Variants in DRP2 observed in about 807,000 individuals in gnomAD.
The protein encoded by DRP2 is dystrophin related protein 2.
In DRP2, 29 loss-of-function variants were observed where a neutral mutation model predicts 78.2. The observed-to-expected ratio is 0.37, with a 90% CI of 0.28 to 0.51. The LOEUF (loss-of-function observed/expected upper bound fraction) is 0.51. Ranked by LOEUF, DRP2 falls within the 20% of genes least tolerant of loss-of-function variation. DRP2 has a pLI of 0.94. For missense variants in DRP2, 686 were observed against 770.6 expected (o/e 0.89, Z 1.30); for synonymous variants, 290 against 281.9 (o/e 1.03, Z -0.29).
In DRP2 at chrX:101,260,178, C is replaced by T. The variant is rs1225579039; in HGVS notation, c.2749+9C>T. 1.7e-6 allele frequency: 2 copies of T among 1,208,185 alleles called. No individual in the cohort carries two copies. Among genetic ancestry groups the T allele is most frequent in the East Asian group, 5.9e-5 (2 of 33,724 alleles). On this transcript the variant is annotated intron_variant, in intron 23 of 23. Coordinates refer to ENST00000395209, the MANE Select transcript of DRP2 (RefSeq NM_001939.3). ...AGATACCGAGGCTGCAGGTGAGTTC[C>T]CCTGGCCTTTCCCAGCCCCTTTCTC...
At chrX:101,238,089 A>G (rs748954842) in intron 5 of DRP2, among the ~76,000 whole-genome samples, 1 of 112,102 alleles carries the variant, frequency 8.9e-6, no homozygotes, top group Non-Finnish European at 1.9e-5. Flanking sequence ...TCAATTGTAT[A>G]AAAATGTATA....
chrX:101,260,506 G>A lies in DRP2; in HGVS notation c.2759G>A (p.Gly920Glu). The A allele has an allele frequency of 8.3e-7, 1 of 1,209,401 alleles. No individual in the cohort carries two copies. The highest frequency in any genetic ancestry group is 1.1e-6 in the Non-Finnish European group (1 of 894,745). ...CTGTTTTTTAACCCAGATGATGTGG[G>A]GTCAAAGAGCCAGGATGTCAGCCTG... ...TPDTEAADDV[G>E]SKSQDVSLCL... The change falls in exon 24 of 24, where the codon GGG (glycine) becomes GAG (glutamate). Residue 920 changes from glycine (G) to glutamate (E), a missense_variant. Gly to Glu is a moderately conservative substitution (Grantham distance 98). Transcript: ENST00000395209.
At chrX:101,230,370 C>G (rs1050480363) in intron 2 of DRP2, among the ~76,000 whole-genome samples, 2 of 110,019 alleles carry the variant, frequency 1.8e-5, no homozygotes, top group African/African-American at 6.6e-5. Context: ...ACTAAAAATA[C>G]GAAAAATTAG....
In DRP2 at chrX:101,236,113, T is replaced by C; in HGVS notation, c.281+90T>C. On this transcript the variant is annotated intron_variant, in intron 4 of 23. Coordinates refer to ENST00000395209, the MANE Select transcript of DRP2 (RefSeq NM_001939.3). ...TGTCCTTCTCCTCTCAGCCTGTGCA[T>C]CCCCCTTTCCTTAGCCCACCCACTT... 3.0e-6 allele frequency: 3 copies of C among 1,009,742 alleles called. No individual in the cohort carries two copies. In the Admixed American group the frequency reaches 7.4e-5, roughly 25 times the overall value. The allele number at this position is 1,009,742 out of a possible 1,213,427, so 83.2% of individuals were successfully genotyped here. A position where few individuals can be genotyped will look rare whatever the true frequency, so the allele number is the denominator to read the frequency against.
intron 1 of DRP2, among the ~76,000 whole-genome samples, chrX:101,222,309 G>T (rs1053051283): frequency 5.4e-5 from 6 of 110,579 alleles, no homozygotes; most frequent in Non-Finnish European, 1.1e-4. Flanking sequence ...GGGAACTGCT[G>T]CTAAAAAAAA....
At position 101,254,880 on chromosome X, in the gene DRP2, G is replaced by T; in HGVS notation, c.2136G>T (p.Trp712Cys). The T allele has an allele frequency of 8.3e-7, 1 of 1,211,765 alleles. No homozygotes were observed. The highest frequency in any genetic ancestry group is 1.8e-5 in the South Asian group (1 of 56,984). Residue 712 changes from tryptophan to cysteine, a missense_variant, in exon 19 of 24, where the codon TGG becomes TGT. Coordinates refer to ENST00000395209, the MANE Select transcript of DRP2 (RefSeq NM_001939.3). The part of the protein sequence containing the change: ...YSETPASSPM[W>C]PHADTHSRIE... ...CTAGGCCGGCTTCTTCCCCGATGTG[G>T]CCACACGCCGACACACACTCCCGAA... is the stretch of plus-strand genomic sequence containing the variant.
At chrX:101,224,191 G>GTTTTTTTTTTTTTTTTTTTT (rs1167730116) in intron 1 of DRP2, among the ~76,000 whole-genome samples, 2 of 38,866 alleles carry the variant, frequency 5.1e-5, no homozygotes, top group African/African-American at 1.3e-4. Flanking sequence ...GGTTTTTTTT[G>GTTTTTTTTTTTTTTTTTTTT]TTTTTTTTTT....
intron 1 of DRP2, among the ~76,000 whole-genome samples, chrX:101,222,331 AAAAAT>A (rs1363730702): frequency 1.8e-5 from 2 of 112,133 alleles, no homozygotes; most frequent in African/African-American, 3.2e-5. Context: ...TAATAAAATA[AAAAAT>A]AAAAAAATAA....
chrX:101,252,684 C>G lies in DRP2; in HGVS notation c.1945C>G (p.Leu649Val), dbSNP rs1923180124. 8.3e-7 allele frequency: 1 copy of G among 1,211,750 alleles called. No individual in the cohort carries two copies. Among genetic ancestry groups the G allele is most frequent in the Non-Finnish European group, 1.1e-6 (1 of 895,328 alleles). Residue 649 changes from leucine to valine, a missense_variant, in exon 17 of 24, where the codon CTG (leucine) becomes GTG (valine). This residue lies in a region of DRP2 where 423 missense variants were observed against 531.5 expected (regional missense o/e 0.80). Transcript: ENST00000395209. Reference sequence around the variant, plus strand: ...AGGCAGGGCCAGCAAAGGCAATAAGCTGCACTACCCCATCATGGAGTATTA... The same window carrying G: ...AGGCAGGGCCAGCAAAGGCAATAAGGTGCACTACCCCATCATGGAGTATTA... ...LTGRASKGNK[L>V]HYPIMEYYTP...
At chrX:101,226,244 GTGATAGACGT>G (rs1922115675) in intron 2 of DRP2, among the ~76,000 whole-genome samples, 1 of 111,867 alleles carries the variant, frequency 8.9e-6, no homozygotes, top group African/African-American at 3.3e-5. Flanking sequence ...TAGTCCCCTA[GTGATAGACGT>G]TTAAGTTTTT....
chrX:101,232,123 G>A, intron 3 of DRP2, among the ~76,000 whole-genome samples: 1 of 110,745 alleles, frequency 9.0e-6, no homozygotes, highest in South Asian at 4.0e-4. Context: ...GCTTCTCTGT[G>A]GCATGCCTTC....
intron 20 of DRP2, 93 bp downstream of exon 20, chrX:101,255,342 G>A: frequency 2.2e-6 from 2 of 909,974 alleles, no homozygotes; most frequent in Admixed American, 2.3e-5. Flanking sequence ...AGGGAATGGG[G>A]GTGTGTGGTG....
intron 11 of DRP2, among the ~76,000 whole-genome samples, chrX:101,245,815 A>T (rs1385196171): frequency 8.9e-6 from 1 of 111,999 alleles, no homozygotes; most frequent in Non-Finnish European, 1.9e-5. Context: ...TACAAGATGG[A>T]TAAGTCCTAG....
rs1379202759 is a variant in DRP2, at chrX:101,224,181, G to GTTTTTTTTT, written c.-166-423_-166-422insTTTTTTTTT. On this transcript the variant is annotated intron_variant, in intron 1 of 23. Transcript: ENST00000395209. Reference sequence around the variant, plus strand: ...TCCCAAGAATAATAAATGTTTGCTGGGTTTTTTTTGTTTTTTTTTTTTTTT... The same window carrying GTTTTTTTTT: ...TCCCAAGAATAATAAATGTTTGCTGGTTTTTTTTTGTTTTTTTTGTTTTTTTTTTTTTTT... Among the ~76,000 whole-genome samples, 408 of 47,626 alleles carry GTTTTTTTTT rather than the reference G, an allele frequency of 8.6e-3. 19 individuals carry two copies. Among genetic ancestry groups the GTTTTTTTTT allele is most frequent in the African/African-American group, 0.041 (339 of 8,170 alleles). The allele number at this position is 47,626 out of a possible 115,157, so 41.4% of individuals were successfully genotyped here.
At chrX:101,241,516 A>T in intron 6 of DRP2, 152 bp from the exon 7 acceptor site, 1 of 602,402 alleles carries the variant, frequency 1.7e-6, no homozygotes, top group Non-Finnish European at 2.5e-6. Flanking sequence ...CCATGGAAAA[A>T]TATGTATTTG....
At chrX:101,229,343 T>C (rs1922223594) in intron 2 of DRP2, among the ~76,000 whole-genome samples, 1 of 111,689 alleles carries the variant, frequency 9.0e-6, no homozygotes, top group Non-Finnish European at 1.9e-5. Context: ...AGTCATTCTT[T>C]GGGGATGAGT....
rs1923293369 is a variant in DRP2 at position 101,255,179 on chromosome X, C to A, written c.2181-5C>A. The A allele has an allele frequency of 2.8e-5, 34 of 1,210,610 alleles. No homozygotes were observed. Among genetic ancestry groups the A allele is most frequent in the Non-Finnish European group, 3.7e-5 (33 of 894,622 alleles). On this transcript the variant is annotated splice_polypyrimidine_tract_variant and splice_region_variant and intron_variant, in intron 19 of 23. Coordinates refer to ENST00000395209, the MANE Select transcript of DRP2 (RefSeq NM_001939.3). ...TTCTCTCCTGCCTCTGCTCTTTATT[C>A]CTAGGCTTGCTGAGATGGAAAGTCA...
intron 3 of DRP2, among the ~76,000 whole-genome samples, chrX:101,235,273 CTG>C (rs773521029): frequency 8.9e-6 from 1 of 112,470 alleles, no homozygotes; most frequent in African/African-American, 3.2e-5. Context: ...CTCTTGAAGA[CTG>C]TGTCCAGGCT....
chrX:101,248,058 T>G lies in DRP2; in HGVS notation c.1253-31T>G, dbSNP rs763122533. On this transcript the variant is annotated intron_variant, in intron 12 of 23. Transcript: ENST00000395209. ...CCCTGGGGTTCTACTTTTGGCTATA[T>G]TTTTTTTCTCTTCTCTTCTTTCCTT... 8 of 1,172,571 alleles carry G rather than the reference T, an allele frequency of 6.8e-6. No homozygotes were observed. In the South Asian group the frequency reaches 1.4e-4, roughly 21 times the overall value.
Sources: allele counts gnomAD v4.1 joint callset (sites outside exome capture counted in the v4.1 genomes callset), GRCh38; gene constraint gnomAD v4.1.1; regional missense constraint gnomAD v4.1.1; transcripts MANE v1.5; gene names NCBI Gene and HGNC (gene_info 2026-07-23, HGNC 2026-07-21).